Variants in IARS1 observed in about 807,000 individuals in gnomAD.
IARS1 encodes isoleucine--tRNA ligase, cytoplasmic.
In IARS1, 124 loss-of-function variants were observed where a neutral mutation model predicts 168.2. The observed-to-expected ratio is 0.74, with a 90% CI of 0.64 to 0.86. The LOEUF is 0.86. Among genes scored for constraint, IARS1 ranks in the 40% least tolerant of loss-of-function variants. The pLI is 0.00. For synonymous variants in IARS1, 532 were observed against 529.4 expected, an observed-to-expected ratio of 1.00 and a Z score of -0.07; for missense variants, 1,452 against 1,515.8, an observed-to-expected ratio of 0.96 and a Z score of 0.70.
At chr9:92,277,765 C>T in intron 9 of IARS1, 98 bp downstream of exon 9, 1 of 903,450 alleles carries the variant, frequency 1.1e-6, no homozygotes, top group Non-Finnish European at 1.7e-6. Flanking sequence ...GATTCAGGTA[C>T]ACTCATAAAA....
chr9:92,284,990 G>A (rs1163841192), intron 6 of IARS1, among the ~76,000 whole-genome samples: 1 of 152,178 alleles, frequency 6.6e-6, no homozygotes, highest in Non-Finnish European at 1.5e-5. Context: ...AACAGGATAT[G>A]TGAAAGCATT....
At chr9:92,276,402 G>A (rs911149372) in intron 9 of IARS1, among the ~76,000 whole-genome samples, 2 of 152,184 alleles carry the variant, frequency 1.3e-5, no homozygotes, top group African/African-American at 4.8e-5. Context: ...GCCACATACC[G>A]ACTGGGGAGG....
At chr9:92,219,227 A>T (rs1024556470) in intron 33 of IARS1, among the ~76,000 whole-genome samples, 9 of 152,220 alleles carry the variant, frequency 5.9e-5, no homozygotes, top group Non-Finnish European at 8.8e-5. Flanking sequence ...CGTATGTAGA[A>T]AGCTGAAACT....
In IARS1 at chr9:92,215,203, T is replaced by C. The variant is rs546205653; in HGVS notation, c.3707-4314A>G. ...GCAGGGTATTCCAACAGACTTGCAG[T>C]TGAGGGTCCTGTCTGTCAGAAGGAA... On this transcript the variant is annotated intron_variant, in intron 33 of 33. Transcript: ENST00000443024. 6.4e-3 allele frequency among the ~76,000 whole-genome samples: 967 copies of C among 152,144 alleles called. 6 individuals are homozygous for C. The highest frequency in any genetic ancestry group is 0.011 in the Non-Finnish European group (753 of 67,924).
intron 33 of IARS1, among the ~76,000 whole-genome samples, chr9:92,221,397 CA>C (rs954850234): frequency 2.6e-4 from 40 of 152,200 alleles, no homozygotes; most frequent in African/African-American, 8.7e-4. Context: ...TCAGGTGTTA[CA>C]AATAAAAGGA....
chr9:92,247,411 C>T lies in IARS1; in HGVS notation c.2757G>A (p.Leu919=), dbSNP rs763934217. The stretch of plus-strand genomic sequence containing the variant: ...GGAACTGCTCCAGCTCCTCACTGCT[C>T]AACTGCTTGATGGACGTCATCACTG... The part of the protein sequence containing the change: ...FKAVMTSIKQ[L]SSEELEQFQK... Residue 919 remains leucine (L), a synonymous_variant, in exon 26 of 34, where the codon TTG becomes TTA. Transcript: ENST00000443024. The T allele has an allele frequency of 6.2e-7, 1 of 1,614,140 alleles. No individual in the cohort carries two copies. The highest frequency in any genetic ancestry group is 1.1e-5 in the South Asian group (1 of 91,076).
chr9:92,228,392 G>A (rs2133463382), intron 31 of IARS1, among the ~76,000 whole-genome samples: 1 of 152,022 alleles, frequency 6.6e-6, no homozygotes, highest in East Asian at 1.9e-4. Context: ...CAGACTTAGT[G>A]AGATCCAGGC....
intron 6 of IARS1, among the ~76,000 whole-genome samples, chr9:92,282,057 A>C (rs72750458): frequency 0.031 from 4,653 of 152,250 alleles, 111 homozygotes; most frequent in South Asian, 0.079. Flanking sequence ...ATACAGCATC[A>C]ATGTTAATTT....
At chr9:92,287,699 T>A (rs935231116) in intron 4 of IARS1, 92 bp downstream of exon 4, 12 of 1,354,478 alleles carry the variant, frequency 8.9e-6, no homozygotes, top group South Asian at 4.7e-5. Context: ...AAAAATAAAT[T>A]AATAAAAAAA....
Position 92,258,958 on chromosome 9 carries a change from G to A in IARS1, c.1912C>T (p.Leu638Phe). ...INSPVVRAEN[L>F]RFKEEGVRDV... ...CGCACACCCTCTTCTTTAAAGCGGA[G>A]GTTTTCTGCTCTCACCACAGGGGAG... The change falls in exon 19 of 34, where the codon CTC becomes TTC. Residue 638 changes from leucine to phenylalanine, a missense_variant. By Grantham distance (22) the Leu-to-Phe change is conservative. Transcript: ENST00000443024. 6.2e-7 allele frequency: 1 copy of A among 1,613,730 alleles called. No individual in the cohort carries two copies. Among genetic ancestry groups the A allele is most frequent in the East Asian group, 2.2e-5 (1 of 44,884 alleles).
rs79227574 is a variant in IARS1, at chr9:92,277,848, G to C, written c.894+15C>G. On this transcript the variant is annotated intron_variant, in intron 9 of 33. Transcript: ENST00000443024. The stretch of plus-strand genomic sequence containing the variant: ...GATTGTGGAGAGCGCCCACAGTAGC[G>C]GTCCCTAAGCTTACCTTCAGGAAAT... The C allele has an allele frequency of 2.0e-5, 32 of 1,609,714 alleles. No individual in the cohort carries two copies. The highest frequency in any genetic ancestry group is 2.5e-5 in the Non-Finnish European group (30 of 1,176,960).
Sources: allele counts gnomAD v4.1 joint callset (sites outside exome capture counted in the v4.1 genomes callset), GRCh38; gene constraint gnomAD v4.1.1; transcripts MANE v1.5; gene names NCBI Gene and HGNC (gene_info 2026-07-23, HGNC 2026-07-21).